DYNC1I1: variants seen among roughly 807,000 people sequenced by gnomAD.
DYNC1I1 encodes dynein cytoplasmic 1 intermediate chain 1, also known as cytoplasmic dynein 1 intermediate chain 1.
DYNC1I1 carries 43 observed loss-of-function variants against 86.6 expected under a neutral mutation model. The ratio of observed to expected loss-of-function variants is 0.50; its 90% CI spans 0.39 to 0.64. The LOEUF is 0.64. Among genes scored for constraint, DYNC1I1 ranks in the 30% least tolerant of loss-of-function variants. The pLI is 0.00. For synonymous variants in DYNC1I1, 262 were observed against 283.7 expected (o/e 0.92, Z 0.77); for missense variants, 604 against 788.8 (o/e 0.77, Z 2.81).
At chr7:96,052,777 A>G (rs1227552139) in intron 14 of DYNC1I1, among the ~76,000 whole-genome samples, 2 of 152,160 alleles carry the variant, frequency 1.3e-5, no homozygotes, top group African/African-American at 2.4e-5. Flanking sequence ...GACAAAAGGC[A>G]AAAAGGCAGC....
At chr7:95,837,994 G>C (rs534618639) in intron 5 of DYNC1I1, among the ~76,000 whole-genome samples, 51 of 152,198 alleles carry the variant, frequency 3.4e-4, no homozygotes, top group African/African-American at 1.2e-3. Context: ...GGCTCCTCCT[G>C]GTCCTGGTTG....
chr7:96,061,984 T>C (rs1789794619), intron 14 of DYNC1I1, among the ~76,000 whole-genome samples: 1 of 152,308 alleles, frequency 6.6e-6, no homozygotes, highest in Non-Finnish European at 1.5e-5. Context: ...GTCTTGAGTT[T>C]TAGCCAAAAA....
At chr7:95,818,824 CATCT>C (rs1230777286) in intron 4 of DYNC1I1, 3 of 294,490 alleles carry the variant, frequency 1.0e-5, no homozygotes, top group Non-Finnish European at 1.8e-5. Flanking sequence ...TGATAAATGA[CATCT>C]TACTGTGAAA....
intron 14 of DYNC1I1, among the ~76,000 whole-genome samples, chr7:96,070,257 G>T (rs1790118750): frequency 6.6e-6 from 1 of 152,106 alleles, no homozygotes; most frequent in Non-Finnish European, 1.5e-5. Context: ...GTTTGGTTTG[G>T]TTTGGTTTGC....
At position 96,039,401 on chromosome 7, in the gene DYNC1I1, G is replaced by A. The variant is rs1384837024; in HGVS notation, c.1489G>A (p.Val497Ile). The change falls in exon 14 of 17, where the codon GTC becomes ATC. Residue 497 changes from valine to isoleucine, a missense_variant. Coordinates refer to ENST00000447467, the MANE Select transcript of DYNC1I1 (RefSeq NM_001135556.2). ...LFVTSSFDWTVKLWTTKHNKP... is the reference protein window; with the variant it reads ...LFVTSSFDWTIKLWTTKHNKP... The stretch of plus-strand genomic sequence containing the variant: ...TGTCACATCATCATTTGACTGGACT[G>A]TCAAACTGTGGACCACCAAGGTAAG... The A allele has an allele frequency of 6.2e-7, 1 of 1,613,916 alleles. No homozygotes were observed. Among genetic ancestry groups the A allele is most frequent in the African/African-American group, 1.3e-5 (1 of 74,912 alleles).
chr7:96,098,712 G>A (rs1436607735), downstream of DYNC1I1, among the ~76,000 whole-genome samples: 1 of 152,146 alleles, frequency 6.6e-6, no homozygotes, highest in Non-Finnish European at 1.5e-5. Flanking sequence ...AATACCAAAT[G>A]TCCTACACAT....
intron 6 of DYNC1I1, among the ~76,000 whole-genome samples, chr7:95,966,836 G>A (rs1793027018): frequency 6.6e-6 from 1 of 152,186 alleles, no homozygotes; most frequent in Non-Finnish European, 1.5e-5. Flanking sequence ...ACTAGGACAG[G>A]AAACAAACAA....
rs566227789 is a variant in DYNC1I1, at chr7:95,842,357, A to T, written c.374+14241A>T. On this transcript the variant is annotated intron_variant, in intron 5 of 16. Transcript: ENST00000447467. ...TAGAACAATTTTACATAAGTTAAGT[A>T]GTCAAAAAGTTAAAAGGATAAATGG... is the stretch of plus-strand genomic sequence containing the variant. 3.3e-4 allele frequency among the ~76,000 whole-genome samples: 51 copies of T among 152,312 alleles called. No homozygotes were observed. The Middle Eastern group carries it at 0.01, about 30-fold the overall frequency.
intron 6 of DYNC1I1, among the ~76,000 whole-genome samples, chr7:95,939,174 A>G: frequency 6.6e-6 from 1 of 152,124 alleles, no homozygotes; most frequent in Non-Finnish European, 1.5e-5. Flanking sequence ...GTTTGTTATA[A>G]TTTCTGATCT....
At chr7:96,043,185 A>G (rs1789110383) in intron 14 of DYNC1I1, among the ~76,000 whole-genome samples, 1 of 150,896 alleles carries the variant, frequency 6.6e-6, no homozygotes, top group Non-Finnish European at 1.5e-5. Flanking sequence ...AAAAAAAAAG[A>G]AAGAAAGAAA....
At position 96,098,301 on chromosome 7, in the gene DYNC1I1, G is replaced by GTACTT. The variant is rs1321337400; in HGVS notation, c.*711_*715dup. ...GAATTTTAATGCCTATTATTTCTGG[G>GTACTT]TACTTTAACAATATTTCAAATATCA... On this transcript the variant is annotated 3_prime_UTR_variant, in exon 17 of 17. Transcript: ENST00000447467. 1.0e-6 allele frequency: 1 copy of GTACTT among 985,790 alleles called. No individual in the cohort carries two copies. The highest frequency in any genetic ancestry group is 1.2e-6 in the Non-Finnish European group (1 of 829,928). 61.1% of individuals were successfully genotyped at this position (985,790 alleles called of 1,614,324 possible).
In DYNC1I1 at chr7:95,911,528, G is replaced by C. The variant is rs538777105; in HGVS notation, c.490+41530G>C. 2.9e-4 allele frequency among the ~76,000 whole-genome samples: 44 copies of C among 152,272 alleles called. No individual in the cohort carries two copies. In the South Asian group the frequency reaches 8.9e-3, roughly 31 times the overall value. ...TATCAAGCACTCCTCCTGAGAAGTG[G>C]CTGATTGGAAATGTGCCCATGAAGG... On this transcript the variant is annotated intron_variant, in intron 6 of 16. Transcript: ENST00000447467.
intron 14 of DYNC1I1, among the ~76,000 whole-genome samples, chr7:96,067,779 A>G (rs978168380): frequency 2.1e-4 from 32 of 152,062 alleles, no homozygotes; most frequent in Non-Finnish European, 4.1e-4. Context: ...TGCTCCTTTA[A>G]CCAGAGTGGA....
chr7:96,104,744 T>C (rs982012931), intron 16 of DYNC1I1, among the ~76,000 whole-genome samples: 5 of 152,164 alleles, frequency 3.3e-5, no homozygotes, highest in African/African-American at 1.2e-4. Flanking sequence ...TCTATTCTTA[T>C]ATGATATCAC....
At chr7:95,956,256 T>C (rs1230785970) in intron 6 of DYNC1I1, among the ~76,000 whole-genome samples, 1 of 152,074 alleles carries the variant, frequency 6.6e-6, no homozygotes, top group Non-Finnish European at 1.5e-5. Context: ...TAGTATTAAG[T>C]GCTTATTTGC....
Position 96,067,814 on chromosome 7 carries a change from A to T in DYNC1I1, c.1510-8243A>T, listed in dbSNP as rs1051716240. 2.0e-5 allele frequency among the ~76,000 whole-genome samples: 3 copies of T among 152,200 alleles called. No homozygotes were observed. In the Middle Eastern group the frequency reaches 0.01, roughly 518 times the overall value. ...AAATGTTTTCCTTTTCATTTTAATG[A>T]TATATTAAACGAGTTGCCTTCCCCA... On this transcript the variant is annotated intron_variant, in intron 14 of 16. Coordinates refer to ENST00000447467, the MANE Select transcript of DYNC1I1 (RefSeq NM_001135556.2).
rs1790063466 is a variant in DYNC1I1 at position 95,868,138 on chromosome 7, T to C, written c.375-1745T>C. ...AGCCTGGACTCTCTTGCATTCTGTG[T>C]CCCAGAGCTCCCAGTGAAACAGGCC... On this transcript the variant is annotated intron_variant, in intron 5 of 16. Transcript: ENST00000447467. 2.0e-5 allele frequency among the ~76,000 whole-genome samples: 3 copies of C among 152,322 alleles called. No homozygotes were observed. In the South Asian group the frequency reaches 6.2e-4, roughly 32 times the overall value.
At chr7:95,818,941 A>G (rs183958811) in intron 4 of DYNC1I1, 230 of 155,964 alleles carry the variant, frequency 1.5e-3, no homozygotes, top group South Asian at 6.0e-3. Context: ...ATTGGCCCCA[A>G]TAAAATCCTG....
intron 5 of DYNC1I1, among the ~76,000 whole-genome samples, chr7:95,829,842 C>T (rs749755772): frequency 2.6e-5 from 4 of 151,950 alleles, no homozygotes; most frequent in Admixed American, 6.6e-5. Flanking sequence ...AACCGATATA[C>T]CCCAAACTAG....
Sources: allele counts gnomAD v4.1 joint callset (sites outside exome capture counted in the v4.1 genomes callset), GRCh38; gene constraint gnomAD v4.1.1; transcripts MANE v1.5; gene names NCBI Gene and HGNC (gene_info 2026-07-23, HGNC 2026-07-21).